Variants in TRARG1 observed in about 807,000 individuals in gnomAD.
The protein encoded by TRARG1 is trafficking regulator of GLUT4 (SLC2A4) 1 (gene/pseudogene), also known as trafficking regulator of GLUT4 1.
TRARG1 carries 16 observed loss-of-function variants against 13.3 expected under a neutral mutation model. The ratio of observed to expected loss-of-function variants is 1.20; its 90% confidence interval spans 0.81 to 1.83. The LOEUF is 1.83. Among genes scored for constraint, TRARG1 ranks in the 40% most tolerant of loss-of-function variants. The probability of loss-of-function intolerance (pLI) is 0.00; values close to 1 mark genes in which losing one functional copy is unlikely to be tolerated. For synonymous variants in TRARG1, 113 were observed against 106.2 expected (o/e 1.06, Z -0.39); for missense variants, 250 against 237.4 (o/e 1.05, Z -0.35).
chr17:1,282,160 A>G (rs117936114), intron 1 of TRARG1, among the ~76,000 whole-genome samples: 2,609 of 134,280 alleles, frequency 0.019, 205 homozygotes, highest in South Asian at 0.085. Context: ...ATACACGTGC[A>G]TATATGTACG....
intron 2 of TRARG1, among the ~76,000 whole-genome samples, chr17:1,296,291 G>A (rs917475395): frequency 6.6e-6 from 1 of 152,078 alleles, no homozygotes; most frequent in Non-Finnish European, 1.5e-5. Context: ...CCGCCTTCCG[G>A]GTTCAAGTGA....
Position 1,287,653 on chromosome 17 carries a change from G to A in TRARG1, c.387+7265G>A, listed in dbSNP as rs555165182. Among the ~76,000 whole-genome samples, 17 of 142,542 alleles carry A rather than the reference G, an allele frequency of 1.2e-4. No homozygotes were observed. The East Asian group carries it at 1.7e-3, about 14-fold the overall frequency. The allele number at this position is 142,542 out of a possible 152,430, so 93.5% of individuals were successfully genotyped here. ...TGGGATTACAGGTGTGAGCCACTGC[G>A]TCTGGCCTGTTGTTTTTAAGACAGA... is the stretch of plus-strand genomic sequence containing the variant. On this transcript the variant is annotated intron_variant, in intron 1 of 2. Coordinates refer to ENST00000333813, the MANE Select transcript of TRARG1 (RefSeq NM_172367.3).
Position 1,300,221 on chromosome 17 carries a change from C to G in TRARG1, c.*1957C>G, listed in dbSNP as rs1297519987. ...GGAGAGGCGAGGTCGATGGAACTGG[C>G]CACGCACAGGCTCTGGCTCTGGAAG... On this transcript the variant is annotated 3_prime_UTR_variant, in exon 3 of 3. Coordinates refer to ENST00000333813, the MANE Select transcript of TRARG1 (RefSeq NM_172367.3). 1 of 152,272 alleles carries G rather than the reference C, an allele frequency of 6.6e-6. No individual in the cohort carries two copies. The highest frequency in any genetic ancestry group is 6.5e-5 in the Admixed American group (1 of 15,276). The allele number at this position is 152,272 out of a possible 1,614,324, so 9.4% of individuals were successfully genotyped here. A position where few individuals can be genotyped will look rare whatever the true frequency, so the allele number is the denominator to read the frequency against.
At position 1,298,356 on chromosome 17, in the gene TRARG1, CAAG is replaced by C; in HGVS notation, c.*93_*95del. On this transcript the variant is annotated 3_prime_UTR_variant, in exon 3 of 3. Transcript: ENST00000333813. ...CGCGGGAGGCCAGGGTGCTGACTGT[CAAG>C]CATCCCCTGTCCCCAAGTTCCAAAA... The C allele has an allele frequency of 7.1e-7, 1 of 1,402,710 alleles. No homozygotes were observed. The highest frequency in any genetic ancestry group is 9.9e-7 in the Non-Finnish European group (1 of 1,014,244). The allele number at this position is 1,402,710 out of a possible 1,614,324, so 86.9% of individuals were successfully genotyped here.
chr17:1,291,158 A>G lies in TRARG1; in HGVS notation c.388-4333A>G, dbSNP rs2072066523. 2.0e-5 allele frequency among the ~76,000 whole-genome samples: 3 copies of G among 151,150 alleles called. No individual in the cohort carries two copies. In the East Asian group the frequency reaches 5.8e-4, roughly 29 times the overall value. On this transcript the variant is annotated intron_variant, in intron 1 of 2. Coordinates refer to ENST00000333813, the MANE Select transcript of TRARG1 (RefSeq NM_172367.3). ...TGACCTCAGGTAATCCACTCACCTC[A>G]GCCATGCAATGGTGTGATCTCGGCT...
chr17:1,291,279 T>A (rs1353355411), intron 1 of TRARG1, among the ~76,000 whole-genome samples: 1 of 152,122 alleles, frequency 6.6e-6, no homozygotes, highest in Non-Finnish European at 1.5e-5. Flanking sequence ...CCCAGCTAAT[T>A]TTTGTATTTT....
intron 2 of TRARG1, 50 bp from the exon 3 acceptor site, chr17:1,298,201 A>G: frequency 6.2e-7 from 1 of 1,612,362 alleles, no homozygotes; most frequent in Non-Finnish European, 8.5e-7. Context: ...GGACTTGAAG[A>G]GCCAGTGTTC....
At position 1,280,039 on chromosome 17, in the gene TRARG1, A is replaced by G. The variant is rs751625945; in HGVS notation, c.38A>G (p.Gln13Arg). The G allele has an allele frequency of 6.2e-7, 1 of 1,613,280 alleles. No individual in the cohort carries two copies. Among genetic ancestry groups the G allele is most frequent in the Non-Finnish European group, 8.5e-7 (1 of 1,179,978 alleles). The change falls in exon 1 of 3, where the codon CAG becomes CGG. Residue 13 changes from glutamine (Q) to arginine (R), a missense_variant. Gln to Arg is a conservative substitution (Grantham distance 43). Coordinates refer to ENST00000333813, the MANE Select transcript of TRARG1 (RefSeq NM_172367.3). ...GTGCAGTCCGAGTTTCCTTCAGCACAGGAGCCAGGCTCCGCCGCATTCCTG... is the reference window on the plus strand; with the variant it reads ...GTGCAGTCCGAGTTTCCTTCAGCACGGGAGCCAGGCTCCGCCGCATTCCTG... ...HPVQSEFPSA[Q>R]EPGSAAFLDL...
chr17:1,279,937 G>T lies in TRARG1; in HGVS notation c.-65G>T. ...CTCAGTCTGGGCTGGGGAATGGCGC[G>T]CTGAGGTCCCTCCAGAGCCCCTTGT... On this transcript the variant is annotated 5_prime_UTR_variant, in exon 1 of 3. Coordinates refer to ENST00000333813, the MANE Select transcript of TRARG1 (RefSeq NM_172367.3). 2.0e-6 allele frequency: 3 copies of T among 1,528,820 alleles called. No individual in the cohort carries two copies. In the Admixed American group the frequency reaches 6.0e-5, roughly 31 times the overall value. The allele number at this position is 1,528,820 out of a possible 1,614,324, so 94.7% of individuals were successfully genotyped here. A position where few individuals can be genotyped will look rare whatever the true frequency, so the allele number is the denominator to read the frequency against.
intron 1 of TRARG1, among the ~76,000 whole-genome samples, chr17:1,282,085 TAC>T (rs1205630714): frequency 1.3e-5 from 2 of 150,892 alleles, no homozygotes; most frequent in East Asian, 2.0e-4. Context: ...TACATATATG[TAC>T]ATATATACGT....
At chr17:1,296,417 A>C (rs370750262) in intron 2 of TRARG1, among the ~76,000 whole-genome samples, 13 of 151,072 alleles carry the variant, frequency 8.6e-5, no homozygotes, top group African/African-American at 3.2e-4. Flanking sequence ...TTGGTCTCGA[A>C]CTCCTGACCT....
At chr17:1,294,800 G>T (rs140811260) in intron 1 of TRARG1, among the ~76,000 whole-genome samples, 1 of 150,668 alleles carries the variant, frequency 6.6e-6, no homozygotes, top group Non-Finnish European at 1.5e-5. Flanking sequence ...ATTCTCCTGC[G>T]TCAGCCTCCT....
intron 1 of TRARG1, among the ~76,000 whole-genome samples, chr17:1,290,936 G>C (rs1040326390): frequency 1.4e-5 from 2 of 145,166 alleles, no homozygotes; most frequent in Middle Eastern, 3.5e-3. Flanking sequence ...CCAGAGTTTC[G>C]TTGTTGTGGC....
intron 1 of TRARG1, among the ~76,000 whole-genome samples, chr17:1,282,323 C>CGTATATGTACATATGCGT (rs1451788558): frequency 1.5e-4 from 18 of 120,792 alleles, no homozygotes; most frequent in Admixed American, 2.9e-4. Context: ...TATATATGTA[C>CGTATATGTACATATGCGT]ATATATGTAC....
At chr17:1,280,519 C>A in intron 1 of TRARG1, 131 bp downstream of exon 1, 1 of 1,029,486 alleles carries the variant, frequency 9.7e-7, no homozygotes, top group Non-Finnish European at 1.4e-6. Context: ...TTGGGGAAGA[C>A]TCCTTTCCTC....
intron 1 of TRARG1, among the ~76,000 whole-genome samples, chr17:1,293,520 GCAGGT>G (rs2072088459): frequency 6.8e-6 from 1 of 148,116 alleles, no homozygotes; most frequent in African/African-American, 2.5e-5. Context: ...TGATGATGTC[GCAGGT>G]TGGGTTTGAT....
intron 1 of TRARG1, among the ~76,000 whole-genome samples, chr17:1,286,715 T>C (rs1408474356): frequency 8.2e-6 from 1 of 121,694 alleles, no homozygotes; most frequent in East Asian, 2.5e-4. Flanking sequence ...CCTGTGGGTG[T>C]TGTTTTCGGC....
intron 1 of TRARG1, among the ~76,000 whole-genome samples, chr17:1,282,528 A>T (rs2071991342): frequency 1.3e-5 from 2 of 149,620 alleles, no homozygotes; most frequent in African/African-American, 4.9e-5. Flanking sequence ...CCACCACCAC[A>T]CCTGGCTAAT....
chr17:1,281,981 T>TGTATGTAC (rs1406379058), intron 1 of TRARG1, among the ~76,000 whole-genome samples: 1 of 147,164 alleles, frequency 6.8e-6, no homozygotes, highest in East Asian at 2.1e-4. Flanking sequence ...CACGTGTACA[T>TGTATGTAC]ATATGTACAT....
Sources: gnomAD v4.1 joint callset for allele counts (sites outside exome capture counted in the v4.1 genomes callset) on GRCh38, gnomAD v4.1.1 for gene constraint, MANE v1.5 for transcripts, NCBI Gene and HGNC (gene_info 2026-07-23, HGNC 2026-07-21) for gene names.